Variants in RGS5 observed in about 807,000 individuals in gnomAD.
The protein encoded by RGS5 is regulator of G protein signaling 5.
RGS5 carries 20 observed loss-of-function variants against 18.9 expected under a neutral mutation model. The ratio of observed to expected loss-of-function variants is 1.06; its 90% confidence interval spans 0.74 to 1.54. RGS5 has a LOEUF of 1.54. Among genes scored for constraint, RGS5 ranks in the 40% most tolerant of loss-of-function variants. RGS5 has a pLI of 0.00. For synonymous variants in RGS5, 57 were observed against 76.2 expected, an observed-to-expected ratio of 0.75 and a Z score of 1.31; for missense variants, 201 against 211.8, an observed-to-expected ratio of 0.95 and a Z score of 0.32.
At chr1:163,183,716 A>G in intron 1 of RGS5, among the ~76,000 whole-genome samples, 1 of 152,372 alleles carries the variant, frequency 6.6e-6, no homozygotes, top group South Asian at 2.1e-4. Context: ...ATAAACTACA[A>G]GAATAATTGA....
chr1:163,209,691 G>A (rs1285940142), intron 1 of RGS5, among the ~76,000 whole-genome samples: 3 of 152,032 alleles, frequency 2.0e-5, no homozygotes, highest in South Asian at 2.1e-4. Flanking sequence ...CTTATTAAGT[G>A]TATATTTTGA....
chr1:163,262,313 C>T (rs1171559439), intron 2 of RGS5, among the ~76,000 whole-genome samples: 1 of 89,940 alleles, frequency 1.1e-5, no homozygotes, highest in East Asian at 2.9e-4. Context: ...CCCCCTCCCC[C>T]GACCCCACCA....
intron 1 of RGS5, among the ~76,000 whole-genome samples, chr1:163,188,040 G>A: frequency 6.6e-6 from 1 of 152,106 alleles, no homozygotes; most frequent in East Asian, 1.9e-4. Flanking sequence ...TCTTCTTGAT[G>A]ATTGTTGTGG....
rs144107743 is a variant in RGS5, at chr1:163,297,162, T to C, written c.-281+9071A>G. Among the ~76,000 whole-genome samples, 439 of 152,202 alleles carry C rather than the reference T, an allele frequency of 2.9e-3. 2 individuals are homozygous for C. Among genetic ancestry groups the C allele is most frequent in the Admixed American group, 0.013 (197 of 15,270 alleles). ...AGATTTATTAGAGAAGGTAGGAAAA[T>C]GCATCCTAAGAAAGCCACAGGCAAA... On this transcript the variant is annotated intron_variant, in intron 2 of 5. Coordinates refer to the RGS5 transcript ENST00000618415.
intron 1 of RGS5, among the ~76,000 whole-genome samples, chr1:163,310,211 A>G (rs1342020553): frequency 6.6e-6 from 1 of 152,214 alleles, no homozygotes; most frequent in African/African-American, 2.4e-5. Context: ...TAAAGTCACC[A>G]GTTGCATTAT....
chr1:163,158,734 G>C (rs1488020271), intron 3 of RGS5, among the ~76,000 whole-genome samples: 1 of 152,140 alleles, frequency 6.6e-6, no homozygotes, highest in African/African-American at 2.4e-5. Flanking sequence ...CAGGACCGGG[G>C]TGAAATTAAA....
At chr1:163,289,847 A>G (rs1649235412) in intron 2 of RGS5, among the ~76,000 whole-genome samples, 1 of 152,140 alleles carries the variant, frequency 6.6e-6, no homozygotes. Context: ...GCAGCCCCCA[A>G]ATAATTTCTT....
intron 2 of RGS5, chr1:163,248,647 C>A (rs1252965404): frequency 6.6e-6 from 1 of 152,098 alleles, no homozygotes; most frequent in Non-Finnish European, 1.5e-5. Flanking sequence ...GTATTTCCAT[C>A]CGCACTGGTG....
At chr1:163,199,326 T>C (rs1275891240) in intron 1 of RGS5, among the ~76,000 whole-genome samples, 1 of 152,154 alleles carries the variant, frequency 6.6e-6, no homozygotes, top group African/African-American at 2.4e-5. Flanking sequence ...AGCAATAGTC[T>C]TAAAAATCTA....
upstream of RGS5, among the ~76,000 whole-genome samples, chr1:163,204,863 A>T (rs573188963): frequency 8.5e-5 from 13 of 152,336 alleles, no homozygotes; most frequent in East Asian, 2.5e-3. Flanking sequence ...TAATAATATG[A>T]AAAGAAAAAC....
intron 1 of RGS5, among the ~76,000 whole-genome samples, chr1:163,187,508 C>G (rs1280890861): frequency 2.0e-5 from 3 of 152,150 alleles, no homozygotes; most frequent in African/African-American, 7.2e-5. Context: ...CTAATCTTCT[C>G]CCACCTTTGT....
At chr1:163,188,815 T>G (rs1659208312) in intron 1 of RGS5, among the ~76,000 whole-genome samples, 2 of 145,354 alleles carry the variant, frequency 1.4e-5, no homozygotes, top group Admixed American at 1.3e-4. Context: ...AAAATTAGCG[T>G]GGTGACACGA....
chr1:163,148,714 C>T (rs542104491), intron 4 of RGS5, among the ~76,000 whole-genome samples: 1 of 152,312 alleles, frequency 6.6e-6, no homozygotes, highest in East Asian at 1.9e-4. Flanking sequence ...TGCAACCATA[C>T]TAGGGTCTAC....
chr1:163,318,437 A>T (rs1024366380), intron 1 of RGS5, among the ~76,000 whole-genome samples: 2 of 152,166 alleles, frequency 1.3e-5, no homozygotes, highest in Non-Finnish European at 2.9e-5. Context: ...TATGGCTGAA[A>T]GCAGTGAGAT....
intron 1 of RGS5, among the ~76,000 whole-genome samples, chr1:163,174,235 T>C (rs562900347): frequency 2.0e-5 from 3 of 152,360 alleles, no homozygotes; most frequent in Non-Finnish European, 4.4e-5. Context: ...AATTGGCATT[T>C]ATATCTCCAT....
At chr1:163,193,262 A>G (rs976871387) in intron 1 of RGS5, among the ~76,000 whole-genome samples, 5 of 152,198 alleles carry the variant, frequency 3.3e-5, no homozygotes, top group Non-Finnish European at 7.3e-5. Context: ...GAAAACATGG[A>G]GAATATAGAA....
intron 1 of RGS5, chr1:163,211,738 A>C (rs1030565856): frequency 6.6e-6 from 1 of 152,148 alleles, no homozygotes; most frequent in African/African-American, 2.4e-5. Context: ...CCTCTGGATA[A>C]TATTTATAAA....
intron 2 of RGS5, among the ~76,000 whole-genome samples, chr1:163,252,514 T>G (rs1648137026): frequency 6.6e-6 from 1 of 152,178 alleles, no homozygotes; most frequent in Admixed American, 6.6e-5. Flanking sequence ...ATGTTATAGA[T>G]CACAAGTGTT....
At chr1:163,162,078 A>G in intron 2 of RGS5, 102 bp from the exon 3 acceptor site, 1 of 821,002 alleles carries the variant, frequency 1.2e-6, no homozygotes, top group Non-Finnish European at 2.1e-6. Context: ...TGGAAATGAT[A>G]TGACTGCTGG....
Sources: allele counts gnomAD v4.1 joint callset (sites outside exome capture counted in the v4.1 genomes callset), GRCh38; gene constraint gnomAD v4.1.1; transcripts MANE v1.5; gene names NCBI Gene and HGNC (gene_info 2026-07-23, HGNC 2026-07-21).